PARD3: variants seen among roughly 807,000 people sequenced by gnomAD.
The protein encoded by PARD3 is partitioning defective 3 homolog.
Under a neutral mutation model 155.4 loss-of-function variants are expected in PARD3, and 75 were observed. That is an observed-to-expected ratio of 0.48 (90% CI 0.40 to 0.58). The LOEUF (loss-of-function observed/expected upper bound fraction) is 0.58. PARD3 is among the 20% of genes least tolerant of loss of function. PARD3 has a pLI of 0.00. For missense variants in PARD3, 1,642 were observed against 1,721.7 expected (o/e 0.95, Z 0.82); for synonymous variants, 576 against 610.5 (o/e 0.94, Z 0.83).
chr10:34,489,722 C>T (rs1044007734), intron 3 of PARD3, among the ~76,000 whole-genome samples: 1 of 152,158 alleles, frequency 6.6e-6, no homozygotes, highest in African/African-American at 2.4e-5. Flanking sequence ...AGTAAACATG[C>T]CTTGATCATT....
intron 22 of PARD3, among the ~76,000 whole-genome samples, chr10:34,213,297 T>G (rs1170369772): frequency 1.3e-5 from 2 of 152,288 alleles, no homozygotes; most frequent in South Asian, 4.1e-4. Flanking sequence ...TTTAACAATC[T>G]GCTTTGCTGG....
chr10:34,733,559 C>T (rs1590867018), intron 1 of PARD3, among the ~76,000 whole-genome samples: 2 of 152,320 alleles, frequency 1.3e-5, no homozygotes. Context: ...TCTCGGCTCA[C>T]CACGAACTCC....
intron 22 of PARD3, among the ~76,000 whole-genome samples, chr10:34,184,761 C>T (rs527958329): frequency 6.6e-6 from 1 of 150,804 alleles, no homozygotes; most frequent in East Asian, 2.0e-4. Flanking sequence ...TGCTCAAAGC[C>T]TGCAAAAGAG....
At position 34,722,055 on chromosome 10, in the gene PARD3, G is replaced by A. The variant is rs145576170; in HGVS notation, c.121-25636C>T. Among the ~76,000 whole-genome samples the A allele has an allele frequency of 4.6e-5, 7 of 152,196 alleles. No individual in the cohort carries two copies. In the East Asian group the frequency reaches 1.4e-3, roughly 29 times the overall value. On this transcript the variant is annotated intron_variant, in intron 1 of 24. Transcript: ENST00000374788. ...AAAAACACAAAAATTAGCCAGGCATGGCGCCACGTGCCTGTAGTCCCAGCT... is the reference window on the plus strand; with the variant it reads ...AAAAACACAAAAATTAGCCAGGCATAGCGCCACGTGCCTGTAGTCCCAGCT...
At chr10:34,699,510 T>G (rs1302767765) in intron 1 of PARD3, among the ~76,000 whole-genome samples, 5 of 152,202 alleles carry the variant, frequency 3.3e-5, no homozygotes, top group African/African-American at 7.2e-5. Flanking sequence ...AACAGAGGAC[T>G]TGCTTTATTT....
intron 2 of PARD3, among the ~76,000 whole-genome samples, chr10:34,601,098 A>G (rs1216160637): frequency 1.4e-5 from 2 of 143,100 alleles, no homozygotes; most frequent in Non-Finnish European, 3.0e-5. Flanking sequence ...GGCGTGAGCC[A>G]TTGTGCCAAG....
intron 1 of PARD3, among the ~76,000 whole-genome samples, chr10:34,765,495 T>C (rs1396739479): frequency 6.6e-6 from 1 of 151,988 alleles, no homozygotes. Flanking sequence ...CTGGCCCACA[T>C]GGTGAAACCC....
chr10:34,564,050 C>T (rs1172339059), intron 2 of PARD3, among the ~76,000 whole-genome samples: 1 of 152,174 alleles, frequency 6.6e-6, no homozygotes, highest in African/African-American at 2.4e-5. Flanking sequence ...ATGGGAAAAG[C>T]ATAAACCTTT....
intron 22 of PARD3, among the ~76,000 whole-genome samples, chr10:34,203,881 G>C (rs1588743698): frequency 6.6e-6 from 1 of 152,350 alleles, no homozygotes; most frequent in Non-Finnish European, 1.5e-5. Flanking sequence ...ATAATGTGAA[G>C]ACATTTTGTT....
chr10:34,554,947 C>A (rs774441364), intron 2 of PARD3, among the ~76,000 whole-genome samples: 3 of 152,130 alleles, frequency 2.0e-5, no homozygotes, highest in African/African-American at 4.8e-5. Flanking sequence ...CAGATATAGT[C>A]TTTTAGGTAC....
intron 1 of PARD3, among the ~76,000 whole-genome samples, chr10:34,732,764 T>C (rs939076274): frequency 1.3e-5 from 2 of 152,224 alleles, no homozygotes; most frequent in Non-Finnish European, 2.9e-5. Flanking sequence ...AAAATTCATA[T>C]AGAATTTACG....
At chr10:34,213,622 T>C (rs1951859087) in intron 22 of PARD3, among the ~76,000 whole-genome samples, 5 of 152,166 alleles carry the variant, frequency 3.3e-5, no homozygotes, top group Admixed American at 3.3e-4. Flanking sequence ...GGTTTCCTAT[T>C]TGGTTATGTG....
chr10:34,664,404 T>C (rs1249195047), intron 2 of PARD3, among the ~76,000 whole-genome samples: 2 of 152,102 alleles, frequency 1.3e-5, no homozygotes, highest in East Asian at 3.9e-4. Context: ...GGTTTCACCA[T>C]GTTGGTCAGG....
At position 34,261,801 on chromosome 10, in the gene PARD3, GAAAGAAAGAAAGAA is replaced by G. The variant is rs1207460895; in HGVS notation, c.3419+7842_3419+7855del. Among the ~76,000 whole-genome samples the G allele has an allele frequency of 1.8e-4, 25 of 138,760 alleles. 2 individuals carry two copies. Among genetic ancestry groups the G allele is most frequent in the African/African-American group, 6.2e-4 (23 of 37,052 alleles). The allele number at this position is 138,760 out of a possible 152,430, so 91.0% of individuals were successfully genotyped here. A position where few individuals can be genotyped will look rare whatever the true frequency, so the allele number is the denominator to read the frequency against. ...GAAAGAAAAGAAAGAAAGAAAGAAA[GAAAGAAAGAAAGAA>G]AGAAAGAAAGAAACAAACAAACAAA... On this transcript the variant is annotated intron_variant, in intron 22 of 24. Coordinates refer to ENST00000374788, the MANE Select transcript of PARD3 (RefSeq NM_001184785.2).
intron 22 of PARD3, among the ~76,000 whole-genome samples, chr10:34,142,193 A>G (rs1318512419): frequency 6.6e-6 from 1 of 152,170 alleles, no homozygotes; most frequent in East Asian, 1.9e-4. Flanking sequence ...TTAAGCAAGT[A>G]AAAGATGAGA....
At chr10:34,627,022 C>CT (rs75287986) in intron 2 of PARD3, among the ~76,000 whole-genome samples, 7,431 of 143,302 alleles carry the variant, frequency 0.052, 535 homozygotes, top group African/African-American at 0.17. Flanking sequence ...AGATACCCAT[C>CT]TTTTTTTTTT....
intron 22 of PARD3, among the ~76,000 whole-genome samples, chr10:34,250,583 T>G (rs1286517673): frequency 6.6e-6 from 1 of 151,460 alleles, no homozygotes; most frequent in East Asian, 1.9e-4. Context: ...GTGGAAAAAA[T>G]GTGCCAGAAA....
chr10:34,401,333 T>C, intron 6 of PARD3, among the ~76,000 whole-genome samples: 1 of 152,186 alleles, frequency 6.6e-6, no homozygotes, highest in East Asian at 1.9e-4. Context: ...CCCTTTTTCA[T>C]TAAATATCTT....
intron 1 of PARD3, among the ~76,000 whole-genome samples, chr10:34,748,811 G>A (rs991262573): frequency 2.0e-5 from 3 of 152,130 alleles, no homozygotes; most frequent in South Asian, 2.1e-4. Flanking sequence ...GTGGGTGATG[G>A]TGCCTTCTAA....
Sources: gnomAD v4.1 joint callset for allele counts (sites outside exome capture counted in the v4.1 genomes callset) on GRCh38, gnomAD v4.1.1 for gene constraint, MANE v1.5 for transcripts, NCBI Gene and HGNC (gene_info 2026-07-23, HGNC 2026-07-21) for gene names.